The following RPGRIP1L variants were observed in gnomAD, a reference collection of about 807,000 sequenced individuals.
The protein encoded by RPGRIP1L is RPGRIP1 like.
In RPGRIP1L, 131 loss-of-function variants were observed where a neutral mutation model predicts 160.4. The ratio of observed to expected loss-of-function variants is 0.82; its 90% CI spans 0.71 to 0.94. RPGRIP1L has a LOEUF of 0.94. Ranked by LOEUF, RPGRIP1L falls within the 40% of genes least tolerant of loss-of-function variation. RPGRIP1L has a pLI of 0.00. For missense variants in RPGRIP1L, 1,522 were observed against 1,535.8 expected, an observed-to-expected ratio of 0.99 and a Z score of 0.15; for synonymous variants, 510 against 515.8, an observed-to-expected ratio of 0.99 and a Z score of 0.15.
chr16:53,625,144 C>A (rs1395756332), intron 22 of RPGRIP1L, among the ~76,000 whole-genome samples: 1 of 152,218 alleles, frequency 6.6e-6, no homozygotes, highest in East Asian at 1.9e-4. Context: ...CCTGCCTTGG[C>A]CTCCCAAAGT....
chr16:53,673,645 T>A (rs1968928098), intron 7 of RPGRIP1L, among the ~76,000 whole-genome samples: 1 of 152,158 alleles, frequency 6.6e-6, no homozygotes, highest in Non-Finnish European at 1.5e-5. Flanking sequence ...CATATAACCA[T>A]AGCATGCAAT....
At position 53,652,737 on chromosome 16, in the gene RPGRIP1L, G is replaced by T; in HGVS notation, c.1950C>A (p.Gly650=). Residue 650 remains glycine (G), a synonymous_variant, in exon 15 of 27, where the codon GGC becomes GGA. Transcript: ENST00000647211. The stretch of plus-strand genomic sequence containing the variant: ...AAGTGAAGTTATATTCGGGATGAAG[G>T]CCTCGCACTACGGGAGTTGTCTGTA... ...FELQTTPVVR[G]LHPEYNFTSQ... is the part of the protein sequence containing the mutation. 1 of 1,614,130 alleles carries T rather than the reference G, an allele frequency of 6.2e-7. No homozygotes were observed. The highest frequency in any genetic ancestry group is 8.5e-7 in the Non-Finnish European group (1 of 1,179,980).
chr16:53,671,505 T>C lies in RPGRIP1L; in HGVS notation c.1103+5A>G, dbSNP rs773167560. ...AATGAAAGAACACATGGAATCACGA[T>C]TTACCTGTCATAAAGTTTATCATAG... On this transcript the variant is annotated splice_donor_5th_base_variant and intron_variant, in intron 9 of 26. Coordinates refer to ENST00000647211, the MANE Select transcript of RPGRIP1L (RefSeq NM_015272.5). The C allele has an allele frequency of 5.1e-6, 8 of 1,556,830 alleles. No individual in the cohort carries two copies. The highest frequency in any genetic ancestry group is 7.1e-6 in the Non-Finnish European group (8 of 1,129,152).
At chr16:53,672,779 G>C in intron 8 of RPGRIP1L, 91 bp downstream of exon 8, 1 of 1,158,126 alleles carries the variant, frequency 8.6e-7, no homozygotes, top group Non-Finnish European at 1.3e-6. Context: ...TTTTAAATAA[G>C]TACAATTTTG....
At chr16:53,695,855 T>C (rs1329187397) in intron 3 of RPGRIP1L, 11 of 326,326 alleles carry the variant, frequency 3.4e-5, no homozygotes, top group Non-Finnish European at 4.5e-5. Context: ...GCTTTGGCCA[T>C]TTGCTTATTA....
intron 22 of RPGRIP1L, among the ~76,000 whole-genome samples, chr16:53,633,821 G>A (rs1261902265): frequency 6.6e-6 from 1 of 152,102 alleles, no homozygotes; most frequent in East Asian, 1.9e-4. Context: ...ATCCAGGTAA[G>A]GAATATACAG....
chr16:53,641,067 ACCTTCT>A lies in RPGRIP1L; in HGVS notation c.2918_2923del (p.Lys973_Val975delinsIle). On this transcript the variant is annotated inframe_deletion, in exon 19 of 27. Transcript: ENST00000647211. ...ATGTGGCATGATATCCACGAAAGAT[ACCTTCT>A]TATCTACAGGTGTTAAACGTTGTCT... 1 of 1,613,822 alleles carries A rather than the reference ACCTTCT, an allele frequency of 6.2e-7. No homozygotes were observed. The highest frequency in any genetic ancestry group is 8.5e-7 in the Non-Finnish European group (1 of 1,179,818).
chr16:53,688,016 G>A (rs148326584), intron 4 of RPGRIP1L, 51 bp from the exon 5 acceptor site: 1 of 1,123,778 alleles, frequency 8.9e-7, no homozygotes, highest in East Asian at 2.4e-5. Flanking sequence ...TAGAAAAGAA[G>A]GATCTTTGAT....
intron 23 of RPGRIP1L, among the ~76,000 whole-genome samples, chr16:53,619,910 C>T (rs1964603932): frequency 6.6e-6 from 1 of 152,086 alleles, no homozygotes; most frequent in African/African-American, 2.4e-5. Context: ...GTGTCATAGA[C>T]ATTATCACAG....
chr16:53,684,160 T>C (rs1481720842), intron 6 of RPGRIP1L, among the ~76,000 whole-genome samples: 1 of 152,156 alleles, frequency 6.6e-6, no homozygotes, highest in Non-Finnish European at 1.5e-5. Context: ...GGAAACTAGT[T>C]CAACCATTGT....
At chr16:53,687,492 A>AT (rs1298088106) in intron 5 of RPGRIP1L, among the ~76,000 whole-genome samples, 5 of 152,038 alleles carry the variant, frequency 3.3e-5, no homozygotes, top group Non-Finnish European at 5.9e-5. Context: ...TTCTTTATTT[A>AT]TTTTTTTTAA....
intron 19 of RPGRIP1L, among the ~76,000 whole-genome samples, chr16:53,639,382 G>T (rs1316704968): frequency 6.6e-6 from 1 of 151,758 alleles, no homozygotes; most frequent in Non-Finnish European, 1.5e-5. Context: ...ATATCCTGTT[G>T]CATTTAAAAA....
chr16:53,604,363 T>G (rs1347148280), intron 26 of RPGRIP1L, among the ~76,000 whole-genome samples: 7 of 152,250 alleles, frequency 4.6e-5, no homozygotes, highest in Admixed American at 4.6e-4. Flanking sequence ...CTTCAGTGTT[T>G]GTTGAATGCA....
intron 26 of RPGRIP1L, among the ~76,000 whole-genome samples, chr16:53,603,206 G>T (rs1963474277): frequency 6.6e-6 from 1 of 152,214 alleles, no homozygotes; most frequent in African/African-American, 2.4e-5. Context: ...AGCCAAATGG[G>T]ATGCCGATTC....
At chr16:53,636,599 C>G in intron 21 of RPGRIP1L, 87 bp from the exon 22 acceptor site, 1 of 889,010 alleles carries the variant, frequency 1.1e-6, no homozygotes, top group Non-Finnish European at 1.9e-6. Context: ...AAGCACACAC[C>G]ATAAGATAAC....
chr16:53,638,889 G>T (rs1254923727), intron 19 of RPGRIP1L, among the ~76,000 whole-genome samples: 1 of 151,618 alleles, frequency 6.6e-6, no homozygotes, highest in African/African-American at 2.4e-5. Context: ...ACATATGTGT[G>T]TATTTCCATG....
intron 26 of RPGRIP1L, among the ~76,000 whole-genome samples, chr16:53,604,855 G>A: frequency 6.6e-6 from 1 of 152,120 alleles, no homozygotes; most frequent in East Asian, 1.9e-4. Context: ...TTAAGTCTTA[G>A]CTGAAATGTG....
At chr16:53,610,257 A>G (rs1237424560) in intron 25 of RPGRIP1L, among the ~76,000 whole-genome samples, 2 of 152,082 alleles carry the variant, frequency 1.3e-5, no homozygotes, top group Non-Finnish European at 2.9e-5. Context: ...AATTATATAC[A>G]TGTATTTTCT....
At chr16:53,686,213 G>T (rs901008360) in intron 6 of RPGRIP1L, among the ~76,000 whole-genome samples, 1 of 152,130 alleles carries the variant, frequency 6.6e-6, no homozygotes, top group Non-Finnish European at 1.5e-5. Context: ...TGATTTCCAC[G>T]CATCAGAAGC....
Sources: allele counts gnomAD v4.1 joint callset (sites outside exome capture counted in the v4.1 genomes callset), GRCh38; gene constraint gnomAD v4.1.1; transcripts MANE v1.5; gene names NCBI Gene and HGNC (gene_info 2026-07-23, HGNC 2026-07-21).